ARHGEF15: variants seen among roughly 807,000 people sequenced by gnomAD.
ARHGEF15 encodes the protein Rho guanine nucleotide exchange factor (GEF) 15.
Under a neutral mutation model 79.7 loss-of-function variants are expected in ARHGEF15, and 58 were observed. The ratio of observed to expected loss-of-function variants is 0.73; its 90% confidence interval spans 0.59 to 0.91. The LOEUF (loss-of-function observed/expected upper bound fraction) is 0.91. Ranked by LOEUF, ARHGEF15 falls within the 40% of genes least tolerant of loss-of-function variation. The pLI is 0.00. For synonymous variants in ARHGEF15, 442 were observed against 456.0 expected, an observed-to-expected ratio of 0.97 and a Z score of 0.39; for missense variants, 1,012 against 1,108.1, an observed-to-expected ratio of 0.91 and a Z score of 1.23.
In ARHGEF15 at chr17:8,321,338, T is replaced by A; in HGVS notation, c.*345T>A. On this transcript the variant is annotated 3_prime_UTR_variant, in exon 16 of 16. Coordinates refer to ENST00000361926, the MANE Select transcript of ARHGEF15 (RefSeq NM_173728.4). ...TCATGGCAGTTGAAAAAGGGCCTCATTGGAGATAAAGTCGTAGGATAAAAT... is the reference window on the plus strand; with the variant it reads ...TCATGGCAGTTGAAAAAGGGCCTCAATGGAGATAAAGTCGTAGGATAAAAT... 5.0e-6 allele frequency: 1 copy of A among 201,882 alleles called. No individual in the cohort carries two copies. The allele number at this position is 201,882 out of a possible 1,614,324, so 12.5% of individuals were successfully genotyped here. A position where few individuals can be genotyped will look rare whatever the true frequency, so the allele number is the denominator to read the frequency against.
rs751244420 is a variant in ARHGEF15 at position 8,312,398 on chromosome 17, C to T, written c.359C>T (p.Pro120Leu). ...PEPAPRSPVPPPKPSGSPCTP... is the reference protein window; with the variant it reads ...PEPAPRSPVPLPKPSGSPCTP... Reference sequence around the variant, plus strand: ...CCTGCTCCCCGGTCTCCAGTCCCCCCACCCAAGCCGTCTGGGTCACCCTGC... The same window carrying T: ...CCTGCTCCCCGGTCTCCAGTCCCCCTACCCAAGCCGTCTGGGTCACCCTGC... The change falls in exon 2 of 16, where the codon CCA becomes CTA. Residue 120 changes from proline (P) to leucine (L), a missense_variant. Pro to Leu is a moderately conservative substitution (Grantham distance 98, BLOSUM62 -3). Transcript: ENST00000361926. The T allele has an allele frequency of 7.4e-6, 12 of 1,612,422 alleles. No homozygotes were observed. Among genetic ancestry groups the T allele is most frequent in the East Asian group, 6.7e-5 (3 of 44,872 alleles).
rs562781845 is a variant in ARHGEF15, at chr17:8,315,643, G to T, written c.1421+69G>T. The T allele has an allele frequency of 1.3e-6, 2 of 1,594,990 alleles. No individual in the cohort carries two copies. The highest frequency in any genetic ancestry group is 1.7e-6 in the Non-Finnish European group (2 of 1,173,398). On this transcript the variant is annotated intron_variant, in intron 7 of 15. Coordinates refer to ENST00000361926, the MANE Select transcript of ARHGEF15 (RefSeq NM_173728.4). The surrounding 1 kb of genome is among the most constrained non-coding windows in gnomAD (Gnocchi z 4.3). ...CTGGGCACGCCCTTTCCTCTCTCCC[G>T]GGCCCAGGTCCTTCCTTCTACGGAC... is the stretch of plus-strand genomic sequence containing the variant.
At chr17:8,311,961 G>T in intron 1 of ARHGEF15, 30 bp from the exon 2 acceptor site, 1 of 1,427,392 alleles carries the variant, frequency 7.0e-7, no homozygotes, top group Non-Finnish European at 9.3e-7. Flanking sequence ...GGGCACTAAG[G>T]GTCTTTCTCT....
intron 1 of ARHGEF15, among the ~76,000 whole-genome samples, chr17:8,311,616 C>G (rs1904621241): frequency 6.6e-6 from 1 of 152,004 alleles, no homozygotes; most frequent in African/African-American, 2.4e-5. Context: ...CAGCGCAGAA[C>G]ACACATGGCA....
At chr17:8,313,777 CCCAG>C in intron 4 of ARHGEF15, 1 of 431,756 alleles carries the variant, frequency 2.3e-6, no homozygotes. Flanking sequence ...CATCTGTAAT[CCCAG>C]CACTCTGGGA....
Position 8,313,506 on chromosome 17 carries a change from A to G in ARHGEF15, c.940A>G (p.Ser314Gly), listed in dbSNP as rs1179127597. 3.1e-6 allele frequency: 5 copies of G among 1,613,136 alleles called. No individual in the cohort carries two copies. Among genetic ancestry groups the G allele is most frequent in the Non-Finnish European group, 3.4e-6 (4 of 1,179,846 alleles). Reference protein sequence around the residue: ...LSEDGIQTGDSPDEAPQNTPP... With the variant: ...LSEDGIQTGDGPDEAPQNTPP... Reference sequence around the variant, plus strand: ...ACTCTGGCTTCTCTCTCCAGGGGACAGTCCTGATGAAGCTCCTCAGAATAC... The same window carrying G: ...ACTCTGGCTTCTCTCTCCAGGGGACGGTCCTGATGAAGCTCCTCAGAATAC... The change falls in exon 4 of 16, where the codon AGT becomes GGT. Residue 314 changes from serine (S) to glycine (G), a missense_variant. This residue lies in a region of ARHGEF15 where 818 missense variants were observed against 882.5 expected (regional missense o/e 0.93). Coordinates refer to ENST00000361926, the MANE Select transcript of ARHGEF15 (RefSeq NM_173728.4).
Position 8,315,743 on chromosome 17 carries a change from CA to C in ARHGEF15, c.1422-10del, listed in dbSNP as rs1904980335. The C allele has an allele frequency of 1.2e-6, 2 of 1,609,620 alleles. No homozygotes were observed. Among genetic ancestry groups the C allele is most frequent in the Non-Finnish European group, 1.7e-6 (2 of 1,177,630 alleles). On this transcript the variant is annotated splice_polypyrimidine_tract_variant and intron_variant, in intron 7 of 15. Coordinates refer to ENST00000361926, the MANE Select transcript of ARHGEF15 (RefSeq NM_173728.4). The surrounding 1 kb of genome is among the most constrained non-coding windows in gnomAD (Gnocchi z 4.3). ...TGCCCCGCCCCATTGCTTGCTTCCC[CA>C]ATTCCTTCAGGTTTCTAGCAACGCT...
Position 8,316,140 on chromosome 17 carries a change from C to T in ARHGEF15, c.1696C>T (p.Leu566=), listed in dbSNP as rs1279641785. The change falls in exon 9 of 16, where the codon CTG becomes TTG. Residue 566 remains leucine, a synonymous_variant. Coordinates refer to ENST00000361926, the MANE Select transcript of ARHGEF15 (RefSeq NM_173728.4). ...PFQRITRLRM[L]LQNILRQTEE... ...CCAGCGCATCACCCGGCTGCGCATG[C>T]TGCTGCAGGTACCTGTCCCAGCTGC... 6.2e-7 allele frequency: 1 copy of T among 1,602,484 alleles called. No homozygotes were observed.
intron 15 of ARHGEF15, among the ~76,000 whole-genome samples, chr17:8,320,381 A>G (rs961182841): frequency 1.3e-5 from 2 of 152,148 alleles, no homozygotes; most frequent in Admixed American, 6.6e-5. Flanking sequence ...AGAAGGCAAC[A>G]TGAAGCTTGA....
rs1480801589 is a variant in ARHGEF15 at position 8,319,041 on chromosome 17, C to T, written c.2068C>T (p.Arg690Cys). Residue 690 changes from arginine (R) to cysteine (C), a missense_variant, in exon 13 of 16, where the codon CGC becomes TGC. This residue lies in a region of ARHGEF15 where 62 missense variants were observed against 101.3 expected (regional missense o/e 0.61). Coordinates refer to ENST00000361926, the MANE Select transcript of ARHGEF15 (RefSeq NM_173728.4). The part of the protein sequence containing the change: ...QRLQVLDYAH[R>C]SLVQAQQVPD... The stretch of plus-strand genomic sequence containing the variant: ...GTTACAGGTTCTGGACTATGCCCAT[C>T]GCTCCCTGGTCCAGGCCCAGCAGGT... 2.5e-6 allele frequency: 4 copies of T among 1,613,794 alleles called. No individual in the cohort carries two copies. In the African/African-American group the frequency reaches 4.0e-5, roughly 16 times the overall value.
At chr17:8,316,299 C>A in intron 9 of ARHGEF15, 151 bp downstream of exon 9, 1 of 1,280,632 alleles carries the variant, frequency 7.8e-7, no homozygotes, top group Non-Finnish European at 1.0e-6. Flanking sequence ...GTCTCTCAGC[C>A]TAGGACTCAC....
chr17:8,316,296 A>G (rs1025901266), intron 9 of ARHGEF15, 148 bp downstream of exon 9: 35 of 1,297,574 alleles, frequency 2.7e-5, no homozygotes, highest in Non-Finnish European at 3.3e-5. Flanking sequence ...TGGGTCTCTC[A>G]GCCTAGGACT....
At chr17:8,319,268 G>T in intron 13 of ARHGEF15, 44 bp from the exon 14 acceptor site, 6 of 1,609,272 alleles carry the variant, frequency 3.7e-6, no homozygotes, top group Non-Finnish European at 4.2e-6. Context: ...CAGCCCCAGA[G>T]GATCTTTTGG....
chr17:8,317,926 G>A (rs942431262), intron 9 of ARHGEF15, among the ~76,000 whole-genome samples: 8 of 151,956 alleles, frequency 5.3e-5, no homozygotes, highest in Admixed American at 1.3e-4. Context: ...AAAATTAGTC[G>A]GGCGTGGTGG....
Position 8,315,639 on chromosome 17 carries a change from T to C in ARHGEF15, c.1421+65T>C, listed in dbSNP as rs1487674440. On this transcript the variant is annotated intron_variant, in intron 7 of 15. Transcript: ENST00000361926. This position sits in a 1 kb window ranked among gnomAD's most constrained non-coding sequence, Gnocchi z 4.3. ...GCTGCTGGGCACGCCCTTTCCTCTCTCCCGGGCCCAGGTCCTTCCTTCTAC... is the reference window on the plus strand; with the variant it reads ...GCTGCTGGGCACGCCCTTTCCTCTCCCCCGGGCCCAGGTCCTTCCTTCTAC... The C allele has an allele frequency of 5.6e-6, 9 of 1,595,858 alleles. No individual in the cohort carries two copies. Among genetic ancestry groups the C allele is most frequent in the African/African-American group, 2.7e-5 (2 of 74,664 alleles).
chr17:8,311,408 C>T (rs573612506), intron 1 of ARHGEF15, among the ~76,000 whole-genome samples: 2 of 152,194 alleles, frequency 1.3e-5, no homozygotes, highest in African/African-American at 4.8e-5. Flanking sequence ...CTCGCCAGGA[C>T]CTCCTCATCT....
intron 4 of ARHGEF15, 115 bp from the exon 5 acceptor site, chr17:8,314,791 A>G: frequency 4.0e-6 from 4 of 989,760 alleles, no homozygotes; most frequent in Non-Finnish European, 5.7e-6. Flanking sequence ...GGGAGCCGTC[A>G]GGGTCCCTAC....
At chr17:8,319,249 C>T in intron 13 of ARHGEF15, 63 bp from the exon 14 acceptor site, 1 of 1,606,184 alleles carries the variant, frequency 6.2e-7, no homozygotes, top group Admixed American at 1.7e-5. Context: ...TCTTCTGTGG[C>T]TCCTGCCTCA....
Position 8,313,211 on chromosome 17 carries a change from A to C in ARHGEF15, c.891A>C (p.Pro297=). ...ATGCCACCATTTTCGGGGACCCCCCACAGCCAGATCTTGATCTGCTTTCTG... is the reference window on the plus strand; with the variant it reads ...ATGCCACCATTTTCGGGGACCCCCCCCAGCCAGATCTTGATCTGCTTTCTG... ...RQDATIFGDP[P]QPDLDLLSED... Residue 297 remains proline, a synonymous_variant, in exon 3 of 16, where the codon CCA becomes CCC. Coordinates refer to ENST00000361926, the MANE Select transcript of ARHGEF15 (RefSeq NM_173728.4). The C allele has an allele frequency of 8.7e-6, 14 of 1,606,968 alleles. No homozygotes were observed. The highest frequency in any genetic ancestry group is 1.2e-5 in the Non-Finnish European group (14 of 1,179,970).
Sources: allele counts gnomAD v4.1 joint callset (sites outside exome capture counted in the v4.1 genomes callset), GRCh38; gene constraint gnomAD v4.1.1; regional missense constraint gnomAD v4.1.1; non-coding constraint Gnocchi (gnomAD v3.1); transcripts MANE v1.5; gene names NCBI Gene and HGNC (gene_info 2026-07-23, HGNC 2026-07-21).